Variants in PRKN observed in about 807,000 individuals in gnomAD.
The protein encoded by PRKN is E3 ubiquitin-protein ligase parkin.
PRKN carries 56 observed loss-of-function variants against 59.5 expected under a neutral mutation model. The observed-to-expected ratio is 0.94, with a 90% confidence interval of 0.76 to 1.18. The LOEUF (loss-of-function observed/expected upper bound fraction) is 1.18. PRKN is among the 50% of genes most tolerant of loss of function. The pLI, the probability that PRKN is intolerant of heterozygous loss-of-function variation, is 0.00. For missense variants in PRKN, 657 were observed against 596.4 expected (o/e 1.10, Z -1.06); for synonymous variants, 250 against 222.1 (o/e 1.13, Z -1.12).
intron 4 of PRKN, among the ~76,000 whole-genome samples, chr6:162,165,549 G>GT (rs1782938577): frequency 6.7e-6 from 1 of 149,368 alleles, no homozygotes; most frequent in Non-Finnish European, 1.5e-5. Flanking sequence ...TAACCAGCAC[G>GT]TAAGAAAGCA....
intron 2 of PRKN, among the ~76,000 whole-genome samples, chr6:162,310,142 T>C (rs192191565): frequency 1.3e-5 from 2 of 152,134 alleles, no homozygotes; most frequent in African/African-American, 2.4e-5. Context: ...AAAGAGAGAG[T>C]AATGAAAGAT....
At chr6:162,573,399 T>G (rs1407296405) in intron 1 of PRKN, among the ~76,000 whole-genome samples, 1 of 152,190 alleles carries the variant, frequency 6.6e-6, no homozygotes, top group Non-Finnish European at 1.5e-5. Flanking sequence ...AGTGCTCCCA[T>G]GCATAGATAT....
chr6:162,182,150 G>A (rs895759623), intron 4 of PRKN, among the ~76,000 whole-genome samples: 3 of 152,106 alleles, frequency 2.0e-5, no homozygotes, highest in Non-Finnish European at 4.4e-5. Context: ...CAAAGACAGG[G>A]GTTGGAGCTG....
chr6:162,034,182 T>TAGAGAGAGAGAG (rs1324757025), intron 5 of PRKN, among the ~76,000 whole-genome samples: 3 of 121,548 alleles, frequency 2.5e-5, no homozygotes, highest in African/African-American at 7.0e-5. Flanking sequence ...TATATATATA[T>TAGAGAGAGAGAG]ATATAGAGAG....
At chr6:162,211,684 T>C (rs952600595) in intron 3 of PRKN, among the ~76,000 whole-genome samples, 2 of 152,178 alleles carry the variant, frequency 1.3e-5, no homozygotes, top group African/African-American at 2.4e-5. Flanking sequence ...TTTGTATAAA[T>C]ATTTTATTTA....
chr6:162,431,763 A>G (rs1158891856), intron 2 of PRKN, among the ~76,000 whole-genome samples: 1 of 152,178 alleles, frequency 6.6e-6, no homozygotes, highest in Non-Finnish European at 1.5e-5. Context: ...CAGAGGCAAG[A>G]ATTAAAAATT....
intron 2 of PRKN, among the ~76,000 whole-genome samples, chr6:162,433,781 A>G (rs891884826): frequency 6.6e-6 from 1 of 152,194 alleles, no homozygotes; most frequent in African/African-American, 2.4e-5. Flanking sequence ...ATTCCCTTTG[A>G]AATATGTAAG....
At chr6:162,084,804 G>C (rs1489760988) in intron 4 of PRKN, among the ~76,000 whole-genome samples, 3 of 151,720 alleles carry the variant, frequency 2.0e-5, no homozygotes, top group Non-Finnish European at 4.4e-5. Flanking sequence ...CAGTTATAAG[G>C]CAATTATGAT....
chr6:162,622,120 CACTTT>C (rs59291013), intron 1 of PRKN, among the ~76,000 whole-genome samples: 13,105 of 152,132 alleles, frequency 0.086, 712 homozygotes, highest in Middle Eastern at 0.18. Context: ...GCCTAATCTT[CACTTT>C]AAGTTGAAGA....
At chr6:162,531,940 CAAAAAAA>C (rs35097200) in intron 1 of PRKN, among the ~76,000 whole-genome samples, 1 of 106,480 alleles carries the variant, frequency 9.4e-6, no homozygotes, top group Non-Finnish European at 1.8e-5. Context: ...ACTCTGACTC[CAAAAAAA>C]AAAAAAAAAA....
chr6:162,065,032 A>G (rs1778271766), intron 4 of PRKN, among the ~76,000 whole-genome samples: 1 of 152,264 alleles, frequency 6.6e-6, no homozygotes, highest in Non-Finnish European at 1.5e-5. Context: ...ATCAAATTGT[A>G]TTAGGGTTCT....
rs1005880478 is a variant in PRKN, at chr6:162,443,329, C to G, written c.152G>C (p.Arg51Thr). 4.3e-6 allele frequency: 7 copies of G among 1,612,466 alleles called. No individual in the cohort carries two copies. Among genetic ancestry groups the G allele is most frequent in the Non-Finnish European group, 5.9e-6 (7 of 1,180,036 alleles). The change falls in exon 2 of 12, where the codon AGG becomes ACG. Residue 51 changes from arginine to threonine, a missense_variant. Physicochemically the swap from Arg to Thr is moderately conservative, Grantham distance 71. Transcript: ENST00000366898. ...ACTCACCTGCACAGTCCAGTCATTCCTCAGCTCCTTCCCTGCGAAAATCAC... is the reference window on the plus strand; with the variant it reads ...ACTCACCTGCACAGTCCAGTCATTCGTCAGCTCCTTCCCTGCGAAAATCAC... ...LRVIFAGKEL[R>T]NDWTVQNCDL...
At chr6:161,381,270 G>A (rs377697943) in intron 10 of PRKN, among the ~76,000 whole-genome samples, 5 of 152,098 alleles carry the variant, frequency 3.3e-5, no homozygotes, top group Admixed American at 6.5e-5. Context: ...CAATGGAAGC[G>A]CATTTCTGCT....
At chr6:162,610,040 T>C (rs1782082743) in intron 1 of PRKN, among the ~76,000 whole-genome samples, 1 of 152,228 alleles carries the variant, frequency 6.6e-6, no homozygotes, top group African/African-American at 2.4e-5. Context: ...TTGAAATCAT[T>C]TGAGATGGAT....
intron 4 of PRKN, among the ~76,000 whole-genome samples, chr6:162,107,145 G>A (rs1780222843): frequency 6.6e-6 from 1 of 152,112 alleles, no homozygotes; most frequent in African/African-American, 2.4e-5. Flanking sequence ...ACTCTTGAGT[G>A]AGTACCAAGA....
chr6:161,384,892 C>A (rs1475510206), intron 10 of PRKN, among the ~76,000 whole-genome samples: 1 of 152,232 alleles, frequency 6.6e-6, no homozygotes, highest in Non-Finnish European at 1.5e-5. Context: ...CCCCCCATGG[C>A]TCCCCTATGA....
chr6:162,198,750 G>A (rs1049760614), intron 4 of PRKN, among the ~76,000 whole-genome samples: 4 of 151,506 alleles, frequency 2.6e-5, no homozygotes, highest in Non-Finnish European at 4.4e-5. Flanking sequence ...AAGAGGCTGT[G>A]AGCATTTCTT....
At chr6:162,478,433 T>C (rs1792131883) in intron 1 of PRKN, among the ~76,000 whole-genome samples, 3 of 152,218 alleles carry the variant, frequency 2.0e-5, no homozygotes, top group Non-Finnish European at 4.4e-5. Flanking sequence ...ACTAAACCCT[T>C]CACAAAACAT....
chr6:161,828,373 T>C (rs1792333812), intron 6 of PRKN, among the ~76,000 whole-genome samples: 1 of 152,246 alleles, frequency 6.6e-6, no homozygotes, highest in Non-Finnish European at 1.5e-5. Context: ...TGACATCCTG[T>C]TCCCAAGAGT....
Sources: allele counts gnomAD v4.1 joint callset (sites outside exome capture counted in the v4.1 genomes callset), GRCh38; gene constraint gnomAD v4.1.1; transcripts MANE v1.5; gene names NCBI Gene and HGNC (gene_info 2026-07-23, HGNC 2026-07-21).